The following ARHGEF40 variants were observed in gnomAD, a reference collection of about 807,000 sequenced individuals.
ARHGEF40 encodes Rho guanine nucleotide exchange factor (GEF) 40.
ARHGEF40 carries 98 observed loss-of-function variants against 165.9 expected under a neutral mutation model. The ratio of observed to expected loss-of-function variants is 0.59; its 90% CI spans 0.50 to 0.70. The LOEUF (loss-of-function observed/expected upper bound fraction) is 0.70, where lower values mean the gene tolerates loss of function less well. ARHGEF40 is among the 30% of genes least tolerant of loss of function. The pLI, the probability that ARHGEF40 is intolerant of heterozygous loss-of-function variation, is 0.00. For missense variants in ARHGEF40, 1,815 were observed against 1,968.0 expected (o/e 0.92, Z 1.47); for synonymous variants, 792 against 814.3 (o/e 0.97, Z 0.47).
intron 11 of ARHGEF40, 129 bp downstream of exon 11, chr14:21,079,139 A>G (rs1208665414): frequency 2.3e-6 from 3 of 1,289,004 alleles, no homozygotes; most frequent in Middle Eastern, 2.8e-4. Flanking sequence ...CCTCCTCCTC[A>G]CATTTGTTGG....
chr14:21,087,304 TC>T lies in ARHGEF40; in HGVS notation c.4244-12del. 6.8e-7 allele frequency: 1 copy of T among 1,472,122 alleles called. No homozygotes were observed. 91.2% of individuals were successfully genotyped at this position (1,472,122 alleles called of 1,614,324 possible). ...CCCACACCAGCACCCCACCCCCCACTCCCCACTCTCTGCAGCCGCCCGCACC... is the reference window on the plus strand; with the variant it reads ...CCCACACCAGCACCCCACCCCCCACTCCCACTCTCTGCAGCCGCCCGCACC... On this transcript the variant is annotated splice_polypyrimidine_tract_variant and intron_variant, in intron 20 of 23. Transcript: ENST00000298694.
At chr14:21,062,533 G>A in the ARHGEF40 span, among the ~76,000 whole-genome samples, 2 of 152,196 alleles carry the variant, frequency 1.3e-5, no homozygotes, top group South Asian at 2.1e-4. Flanking sequence ...TGAGGCCCGT[G>A]TAGGGGTGGC....
chr14:21,083,269 C>A (rs61978228), intron 16 of ARHGEF40, among the ~76,000 whole-genome samples: 1 of 151,896 alleles, frequency 6.6e-6, no homozygotes, highest in Non-Finnish European at 1.5e-5. Flanking sequence ...TGGCCGGGCG[C>A]GGTGACTCAC....
intron 13 of ARHGEF40, chr14:21,081,268 A>G: frequency 1.3e-6 from 1 of 776,078 alleles, no homozygotes; most frequent in South Asian, 1.9e-5. Flanking sequence ...CCCTTAGCAC[A>G]GAGCCTGCCA....
chr14:21,086,489 G>T, intron 19 of ARHGEF40: 1 of 153,340 alleles, frequency 6.5e-6, no homozygotes, highest in Non-Finnish European at 1.5e-5. Flanking sequence ...ACCTGGACTA[G>T]TTTTTTGTTT....
intron 9 of ARHGEF40, 39 bp downstream of exon 9, chr14:21,078,311 G>T (rs1276613164): frequency 1.2e-6 from 2 of 1,608,022 alleles, no homozygotes; most frequent in Admixed American, 1.7e-5. Context: ...ATGGGATTGG[G>T]ATGGGGCTGG....
rs779610390 is a variant in ARHGEF40, at chr14:21,074,548, C to T, written c.818C>T (p.Thr273Ile). The T allele has an allele frequency of 6.4e-7, 1 of 1,551,482 alleles. No homozygotes were observed. The highest frequency in any genetic ancestry group is 2.3e-5 in the East Asian group (1 of 43,556). ...PGLSRVRTVP[T>I]RKGAGGKGRH... ...CTCTCCAGAGTCCGGACGGTACCCA[C>T]CCGCAAGGGCGCTGGAGGGAAGGGC... Residue 273 changes from threonine (T) to isoleucine (I), a missense_variant, in exon 3 of 24, where the codon ACC (threonine) becomes ATC (isoleucine). Coordinates refer to ENST00000298694, the MANE Select transcript of ARHGEF40 (RefSeq NM_018071.5). The surrounding 1 kb of genome is among the most constrained non-coding windows in gnomAD (Gnocchi z 4.8).
Position 21,076,658 on chromosome 14 carries a change from T to C in ARHGEF40, c.1917+15T>C, listed in dbSNP as rs758519611. ...GTGGATTTCAGGTTTGAGCCCTTCA[T>C]TCCCATCTAGTTTCCCATCAGTAGT... On this transcript the variant is annotated intron_variant, in intron 7 of 23. Coordinates refer to ENST00000298694, the MANE Select transcript of ARHGEF40 (RefSeq NM_018071.5). 2 of 1,610,552 alleles carry C rather than the reference T, an allele frequency of 1.2e-6. No homozygotes were observed. Among genetic ancestry groups the C allele is most frequent in the South Asian group, 2.2e-5 (2 of 90,896 alleles).
upstream of ARHGEF40, among the ~76,000 whole-genome samples, chr14:21,065,419 TTG>T (rs929783442): frequency 8.5e-5 from 13 of 152,198 alleles, no homozygotes; most frequent in Non-Finnish European, 4.4e-5. Flanking sequence ...ATGATCTCTT[TTG>T]GGAACTGGTC....
chr14:21,081,240 C>T (rs759342053), intron 13 of ARHGEF40: 68 of 813,178 alleles, frequency 8.4e-5, no homozygotes, highest in Non-Finnish European at 1.1e-4. Context: ...GGGGATTACA[C>T]GAGGCAATAC....
rs1887020157 is a variant in ARHGEF40 at position 21,072,389 on chromosome 14, A to G, written c.4-656A>G. 6.6e-6 allele frequency among the ~76,000 whole-genome samples: 1 copy of G among 152,128 alleles called. No individual in the cohort carries two copies. On this transcript the variant is annotated intron_variant, in intron 1 of 23. Coordinates refer to ENST00000298694, the MANE Select transcript of ARHGEF40 (RefSeq NM_018071.5). The surrounding 1 kb of genome is among the most constrained non-coding windows in gnomAD (Gnocchi z 4.1). ...CCGATTCTTTGTAATCCAATCCCAC[A>G]TGCTCTAAGATTGGGTGATTGCTTC...
Position 21,083,849 on chromosome 14 carries a change from T to G in ARHGEF40, c.3588T>G (p.Ala1196=). 6.2e-7 allele frequency: 1 copy of G among 1,613,594 alleles called. No individual in the cohort carries two copies. The highest frequency in any genetic ancestry group is 8.5e-7 in the Non-Finnish European group (1 of 1,179,904). Reference sequence around the variant, plus strand: ...CCTCAACCTAGGGCTCCATGGAGGCTGGCCCTTACCTGCCCCGAGCCCTGC... The same window carrying G: ...CCTCAACCTAGGGCTCCATGGAGGCGGGCCCTTACCTGCCCCGAGCCCTGC... ...LSPLSKGSME[A]GPYLPRALQQ... Residue 1196 remains alanine (A), a synonymous_variant, in exon 17 of 24, where the codon GCT becomes GCG. Transcript: ENST00000298694.
chr14:21,082,925 T>C lies in ARHGEF40; in HGVS notation c.3573+8T>C. The C allele has an allele frequency of 6.2e-7, 1 of 1,613,720 alleles. No homozygotes were observed. The highest frequency in any genetic ancestry group is 8.5e-7 in the Non-Finnish European group (1 of 1,179,660). On this transcript the variant is annotated splice_region_variant and intron_variant, in intron 16 of 23. Coordinates refer to ENST00000298694, the MANE Select transcript of ARHGEF40 (RefSeq NM_018071.5). ...CTCAGTCCCTTAAGCAAGGTAACTT[T>C]TTCTCCAACCTTCAGGAGAAAAGTA...
At chr14:21,070,087 C>G (rs1346325131), upstream of ARHGEF40, among the ~76,000 whole-genome samples, 5 of 151,872 alleles carry the variant, frequency 3.3e-5, no homozygotes, top group East Asian at 7.8e-4. This position sits in a 1 kb window ranked among gnomAD's most constrained non-coding sequence, Gnocchi z 4.7. Context: ...AGAAGGTTGC[C>G]GGTGAACGGG....
intron 20 of ARHGEF40, 80 bp from the exon 21 acceptor site, chr14:21,087,240 G>C: frequency 1.9e-6 from 3 of 1,582,586 alleles, no homozygotes; most frequent in Non-Finnish European, 2.6e-6. Flanking sequence ...GAGGCCCTCT[G>C]TGAGACTGAG....
At position 21,074,622 on chromosome 14, in the gene ARHGEF40, CG is replaced by C; in HGVS notation, c.896del (p.Gly299AlafsTer52). 1.3e-6 allele frequency: 2 copies of C among 1,566,916 alleles called. No homozygotes were observed. Among genetic ancestry groups the C allele is most frequent in the Non-Finnish European group, 8.6e-7 (1 of 1,157,094 alleles). On this transcript the variant is annotated frameshift_variant, in exon 3 of 24. Transcript: ENST00000298694. LOFTEE classifies it high-confidence loss of function. This position sits in a 1 kb window ranked among gnomAD's most constrained non-coding sequence, Gnocchi z 4.8. ...AWMHQKGLGP[R>X]GQDGARPPGE... ...GATGCACCAGAAGGGCCTGGGGCCT[CG>C]GGGCCAGGATGGAGCACGCCCACCC...
At position 21,087,336 on chromosome 14, in the gene ARHGEF40, CT is replaced by C; in HGVS notation, c.4261del (p.Ser1421ProfsTer81). ...TCTCTGCAGCCGCCCGCACCCGGGC[CT>C]CCGTGGCCGTGTCATCCTTTGAGCA... is the stretch of plus-strand genomic sequence containing the variant. ...LTGRAARTRASVAVSSFEHAG... is the reference protein window; with the variant it reads ...LTGRAARTRAXVAVSSFEHAG... On this transcript the variant is annotated frameshift_variant, in exon 21 of 24. Coordinates refer to ENST00000298694, the MANE Select transcript of ARHGEF40 (RefSeq NM_018071.5). LOFTEE classifies it high-confidence loss of function. 6.2e-7 allele frequency: 1 copy of C among 1,606,418 alleles called. No individual in the cohort carries two copies.
chr14:21,087,845 C>G, intron 21 of ARHGEF40, 123 bp from the exon 22 acceptor site: 2 of 1,348,222 alleles, frequency 1.5e-6, no homozygotes, highest in African/African-American at 2.9e-5. Context: ...GCAACTGGAT[C>G]GCTATGGTGA....
chr14:21,078,984 C>T lies in ARHGEF40; in HGVS notation c.2347C>T (p.Arg783Trp), dbSNP rs762564238. 1.1e-5 allele frequency: 17 copies of T among 1,613,824 alleles called. No individual in the cohort carries two copies. In the East Asian group the frequency reaches 2.0e-4, roughly 19 times the overall value. Residue 783 changes from arginine to tryptophan, a missense_variant, in exon 11 of 24, where the codon CGG becomes TGG. Coordinates refer to ENST00000298694, the MANE Select transcript of ARHGEF40 (RefSeq NM_018071.5). ...SNLHVQQQEQ[R>W]QCLRRLQQVL... ...CCTGCACGTGCAGCAGCAAGAGCAG[C>T]GGCAGTGCCTGCGGCGACTCCAGCA...
Sources: gnomAD v4.1 joint callset for allele counts (sites outside exome capture counted in the v4.1 genomes callset) on GRCh38, gnomAD v4.1.1 for gene constraint, Gnocchi (gnomAD v3.1) non-coding constraint, MANE v1.5 for transcripts, NCBI Gene and HGNC (gene_info 2026-07-23, HGNC 2026-07-21) for gene names.